SGPL1: variants seen among roughly 807,000 people sequenced by gnomAD.
The protein encoded by SGPL1 is SP-lyase 1.
In SGPL1, 37 loss-of-function variants were observed where a neutral mutation model predicts 68.9. The ratio of observed to expected loss-of-function variants is 0.54; its 90% CI spans 0.41 to 0.71. SGPL1 has a LOEUF of 0.71. Among genes scored for constraint, SGPL1 ranks in the 30% least tolerant of loss-of-function variants. The pLI is 0.00. For missense variants in SGPL1, 551 were observed against 704.6 expected (o/e 0.78, Z 2.47); for synonymous variants, 236 against 248.5 (o/e 0.95, Z 0.47).
intron 3 of SGPL1, among the ~76,000 whole-genome samples, chr10:70,846,476 C>T (rs1164380206): frequency 6.6e-6 from 1 of 152,046 alleles, no homozygotes; most frequent in Non-Finnish European, 1.5e-5. Context: ...TTTAAGTGTA[C>T]AGTTAGTCCT....
intron 7 of SGPL1, chr10:70,866,399 AAAAG>A (rs1473591175): frequency 6.6e-6 from 1 of 152,164 alleles, no homozygotes. Flanking sequence ...AAAAAAACAA[AAAAG>A]AAAAAAGTAG....
chr10:70,875,884 T>C (rs529888951), intron 13 of SGPL1, among the ~76,000 whole-genome samples: 1 of 152,336 alleles, frequency 6.6e-6, no homozygotes, highest in African/African-American at 2.4e-5. Flanking sequence ...GGCTAATATT[T>C]AGTTCAAGAT....
At chr10:70,861,050 T>TG (rs748551382) in intron 7 of SGPL1, among the ~76,000 whole-genome samples, 16 of 151,148 alleles carry the variant, frequency 1.1e-4, no homozygotes, top group Admixed American at 4.6e-4. Flanking sequence ...TTTTTTTTTT[T>TG]GACGAAATAT....
intron 7 of SGPL1, among the ~76,000 whole-genome samples, chr10:70,864,065 G>A (rs1451265724): frequency 3.7e-5 from 5 of 134,788 alleles, no homozygotes. Flanking sequence ...TTAGTGATAG[G>A]TTTAAATTTT....
At chr10:70,844,744 T>G in intron 3 of SGPL1, 106 bp downstream of exon 3, 2 of 1,123,798 alleles carry the variant, frequency 1.8e-6, no homozygotes, top group South Asian at 3.0e-5. Context: ...TTTTTTTGTT[T>G]GTTTGTTTGT....
At chr10:70,844,989 C>T (rs1028093824) in intron 3 of SGPL1, among the ~76,000 whole-genome samples, 32 of 152,172 alleles carry the variant, frequency 2.1e-4, no homozygotes, top group Non-Finnish European at 4.3e-4. Context: ...CCACCCACCT[C>T]GGCCTCCCAA....
intron 2 of SGPL1, chr10:70,820,540 T>C (rs1237293006): frequency 3.3e-5 from 5 of 152,240 alleles, no homozygotes; most frequent in Middle Eastern, 3.4e-3. Flanking sequence ...TTTGGGAGGC[T>C]CAGGCGGGCA....
intron 10 of SGPL1, among the ~76,000 whole-genome samples, chr10:70,871,348 A>G (rs1341505129): frequency 6.6e-6 from 1 of 152,224 alleles, no homozygotes; most frequent in Non-Finnish European, 1.5e-5. Flanking sequence ...GTGGGGGAAG[A>G]TAGTACAAGG....
In SGPL1 at chr10:70,857,681, C is replaced by A; in HGVS notation, c.477C>A (p.Leu159=). 1 of 1,610,310 alleles carries A rather than the reference C, an allele frequency of 6.2e-7. No individual in the cohort carries two copies. Among genetic ancestry groups the A allele is most frequent in the Non-Finnish European group, 8.5e-7 (1 of 1,177,688 alleles). The stretch of plus-strand genomic sequence containing the variant: ...GTGGGGAGGAGAAGCTCACTGAGCT[C>A]CTTGTGAAGGTGAGTGTCCAGTTCT... ...VYSGEEKLTE[L]LVKAYGDFAW... is the part of the protein sequence containing the mutation. The change falls in exon 6 of 15, where the codon CTC becomes CTA. Residue 159 remains leucine, a synonymous_variant. Coordinates refer to ENST00000373202, the MANE Select transcript of SGPL1 (RefSeq NM_003901.4).
chr10:70,873,525 G>T lies in SGPL1; in HGVS notation c.1234G>T (p.Gly412Cys), dbSNP rs754161093. ...AACWAALMHFGENGYVEATKQ... is the reference protein window; with the variant it reads ...AACWAALMHFCENGYVEATKQ... ...CTGTTGGGCTGCCTTGATGCACTTC[G>T]GTGAGAACGGCTATGTTGAAGCTAC... Residue 412 changes from glycine to cysteine, a missense_variant, in exon 12 of 15, where the codon GGT (glycine) becomes TGT (cysteine). By Grantham distance (159) the Gly-to-Cys change is radical (BLOSUM62 -3). Coordinates refer to ENST00000373202, the MANE Select transcript of SGPL1 (RefSeq NM_003901.4). 1 of 1,614,242 alleles carries T rather than the reference G, an allele frequency of 6.2e-7. No individual in the cohort carries two copies. Among genetic ancestry groups the T allele is most frequent in the African/African-American group, 1.3e-5 (1 of 75,064 alleles).
At chr10:70,847,350 T>C (rs1249505532) in intron 3 of SGPL1, among the ~76,000 whole-genome samples, 1 of 152,142 alleles carries the variant, frequency 6.6e-6, no homozygotes, top group East Asian at 1.9e-4. Flanking sequence ...GGTTTCGCCA[T>C]GTTGGCCAGG....
intron 2 of SGPL1, among the ~76,000 whole-genome samples, chr10:70,823,592 A>T (rs1845381226): frequency 6.9e-6 from 1 of 145,200 alleles, no homozygotes; most frequent in East Asian, 2.0e-4. Flanking sequence ...AGCTAATGGG[A>T]TCTCATTTCA....
chr10:70,820,565 A>C (rs990247174), intron 2 of SGPL1: 1 of 152,306 alleles, frequency 6.6e-6, no homozygotes, highest in Admixed American at 6.5e-5. Context: ...ACTTGAGGCC[A>C]GGTGTTCTAG....
intron 4 of SGPL1, among the ~76,000 whole-genome samples, chr10:70,854,020 CTT>C (rs1158645689): frequency 6.6e-6 from 1 of 152,192 alleles, no homozygotes; most frequent in Non-Finnish European, 1.5e-5. Context: ...ACCTTTGATT[CTT>C]TTACACACAC....
At chr10:70,850,217 G>A (rs1227698450) in intron 3 of SGPL1, among the ~76,000 whole-genome samples, 1 of 152,048 alleles carries the variant, frequency 6.6e-6, no homozygotes, top group Non-Finnish European at 1.5e-5. Context: ...GTCTCACTGT[G>A]TTGCCCAGGC....
intron 7 of SGPL1, among the ~76,000 whole-genome samples, chr10:70,867,466 G>A (rs924466587): frequency 2.6e-5 from 4 of 152,102 alleles, no homozygotes; most frequent in African/African-American, 9.7e-5. Context: ...GGGTAACTAT[G>A]GCAGGAGAAT....
intron 2 of SGPL1, among the ~76,000 whole-genome samples, chr10:70,841,636 C>CGAA (rs897700622): frequency 5.9e-5 from 9 of 152,094 alleles, no homozygotes; most frequent in Non-Finnish European, 1.3e-4. Context: ...CCCTCTTCCT[C>CGAA]CTACCATCAG....
At chr10:70,832,357 C>T (rs1162402525) in intron 2 of SGPL1, among the ~76,000 whole-genome samples, 2 of 152,132 alleles carry the variant, frequency 1.3e-5, no homozygotes, top group East Asian at 3.9e-4. Context: ...CACTTCTCAG[C>T]AAATATTCAG....
chr10:70,824,820 AG>A (rs1845402374), intron 2 of SGPL1, among the ~76,000 whole-genome samples: 1 of 152,192 alleles, frequency 6.6e-6, no homozygotes, highest in Non-Finnish European at 1.5e-5. Context: ...CCTGTAGGAC[AG>A]CTATATATAA....
Sources: gnomAD v4.1 joint callset for allele counts (sites outside exome capture counted in the v4.1 genomes callset) on GRCh38, gnomAD v4.1.1 for gene constraint, MANE v1.5 for transcripts, NCBI Gene and HGNC (gene_info 2026-07-23, HGNC 2026-07-21) for gene names.